Variants in CYP2A7 observed in about 807,000 individuals in gnomAD.
CYP2A7 encodes cytochrome P450 2A7.
Under a neutral mutation model 42.0 loss-of-function variants are expected in CYP2A7, and 36 were observed. The observed-to-expected ratio is 0.86, with a 90% CI of 0.66 to 1.13. The LOEUF is 1.13. CYP2A7 is among the 50% of genes most tolerant of loss of function. The pLI, the probability that CYP2A7 is intolerant of heterozygous loss-of-function variation, is 0.00. For missense variants in CYP2A7, 661 were observed against 634.1 expected (o/e 1.04, Z -0.46); for synonymous variants, 260 against 249.5 (o/e 1.04, Z -0.40).
Position 40,880,763 on chromosome 19 carries a change from C to CTG in CYP2A7, c.344-136_344-135insCA, listed in dbSNP as rs1568527848. ...GAGAGATGGATTCAGTGCCAGTGCC[C>CTG]AGGACAGGTGCAAACTCAGTCAGAG... On this transcript the variant is annotated intron_variant, in intron 2 of 8. Transcript: ENST00000301146. 3.7e-3 allele frequency: 1,512 copies of CTG among 408,536 alleles called. 3 individuals are homozygous for CTG. The highest frequency in any genetic ancestry group is 0.011 in the Middle Eastern group (15 of 1,386). The allele number at this position is 408,536 out of a possible 1,614,324, so 25.3% of individuals were successfully genotyped here.
rs1967592109 is a variant in CYP2A7, at chr19:40,878,736, C to G, written c.831+24G>C. On this transcript the variant is annotated intron_variant, in intron 5 of 8. Transcript: ENST00000301146. ...TTCCCTCTGCCTGGCTTTGCACCTC[C>G]CCGCACTGGCTGCTGGGGTGTACCT... is the stretch of plus-strand genomic sequence containing the variant. 4 of 1,609,688 alleles carry G rather than the reference C, an allele frequency of 2.5e-6. No individual in the cohort carries two copies. In the South Asian group the frequency reaches 4.4e-5, roughly 18 times the overall value.
rs770386243 is a variant in CYP2A7, at chr19:40,881,634, C to G, written c.298G>C (p.Gly100Arg). ...TCGAAGGTGGCTTGCTCGCCTCGCC[C>G]GCTGAACTCCTCAGCCTGGTCCACC... ...ALVDQAEEFS[G>R]RGEQATFDWV... is the part of the protein sequence containing the mutation. The change falls in exon 2 of 9, where the codon GGG (glycine) becomes CGG (arginine). Residue 100 changes from glycine to arginine, a missense_variant. Gly to Arg is a moderately radical substitution (Grantham distance 125). Coordinates refer to ENST00000301146, the MANE Select transcript of CYP2A7 (RefSeq NM_000764.3). 3.1e-6 allele frequency: 5 copies of G among 1,612,966 alleles called. No homozygotes were observed. The highest frequency in any genetic ancestry group is 1.1e-5 in the South Asian group (1 of 90,996).
At chr19:40,876,324 A>C (rs2145144481) in intron 8 of CYP2A7, 2 of 817,378 alleles carry the variant, frequency 2.4e-6, no homozygotes, top group East Asian at 5.1e-5. Flanking sequence ...ATCTACGGGG[A>C]AAGATGTTTC....
At position 40,875,621 on chromosome 19, in the gene CYP2A7, T is replaced by TG; in HGVS notation, c.*71_*72insC. 6.2e-7 allele frequency: 1 copy of TG among 1,606,794 alleles called. No individual in the cohort carries two copies. Among genetic ancestry groups the TG allele is most frequent in the East Asian group, 2.2e-5 (1 of 44,830 alleles). ...TTCCCCCCATTCTTATACCCGCCTC[T>TG]TCCGCGAACCCCGCCCTGACCCCGC... is the stretch of plus-strand genomic sequence containing the variant. On this transcript the variant is annotated 3_prime_UTR_variant, in exon 9 of 9. Transcript: ENST00000301146.
At chr19:40,879,752 G>T (rs1967611644) in intron 4 of CYP2A7, among the ~76,000 whole-genome samples, 1 of 151,488 alleles carries the variant, frequency 6.6e-6, no homozygotes, top group Admixed American at 6.6e-5. Flanking sequence ...GCAGTCATTT[G>T]TCCAGGTGTT....
intron 2 of CYP2A7, among the ~76,000 whole-genome samples, chr19:40,881,039 G>A (rs899263083): frequency 6.6e-6 from 1 of 150,944 alleles, no homozygotes; most frequent in African/African-American, 2.4e-5. Flanking sequence ...AGATCTGGGA[G>A]GAGGAAATAA....
In CYP2A7 at chr19:40,880,637, G is replaced by A. The variant is rs749697157; in HGVS notation, c.344-9C>T. ...GTTGCTGAACGCCACGCCTGGGGAG[G>A]TCAAGGCGGGGGTGGAGAGAGGTCA... On this transcript the variant is annotated splice_polypyrimidine_tract_variant and intron_variant, in intron 2 of 8. Coordinates refer to ENST00000301146, the MANE Select transcript of CYP2A7 (RefSeq NM_000764.3). The A allele has an allele frequency of 6.3e-7, 1 of 1,588,016 alleles. No homozygotes were observed. Among genetic ancestry groups the A allele is most frequent in the East Asian group, 2.3e-5 (1 of 44,308 alleles).
At position 40,881,598 on chromosome 19, in the gene CYP2A7, T is replaced by C. The variant is rs753984557; in HGVS notation, c.334A>G (p.Lys112Glu). Residue 112 changes from lysine to glutamate, a missense_variant, in exon 2 of 9, where the codon AAA becomes GAA. Lys to Glu is a moderately conservative substitution (Grantham distance 56, BLOSUM62 1). This residue lies in a region of CYP2A7 where 614 missense variants were observed against 552.4 expected (regional missense o/e 1.11). Coordinates refer to ENST00000301146, the MANE Select transcript of CYP2A7 (RefSeq NM_000764.3). ...TTGGGCACCCCCTCACCATAGCCTT[T>C]GAAGACCCAGTCGAAGGTGGCTTGC... ...GEQATFDWVFKGYGVAFSNGE... is the reference protein window; with the variant it reads ...GEQATFDWVFEGYGVAFSNGE... The C allele has an allele frequency of 6.2e-7, 1 of 1,612,064 alleles. No homozygotes were observed. The highest frequency in any genetic ancestry group is 1.7e-5 in the Admixed American group (1 of 59,974).
At position 40,881,741 on chromosome 19, in the gene CYP2A7, C is replaced by T. The variant is rs748155186; in HGVS notation, c.191G>A (p.Cys64Tyr). 1.9e-6 allele frequency: 3 copies of T among 1,582,208 alleles called. No homozygotes were observed. Among genetic ancestry groups the T allele is most frequent in the Non-Finnish European group, 2.6e-6 (3 of 1,164,840 alleles). The stretch of plus-strand genomic sequence containing the variant: ...GTGAATGGTGAACACGGGGCCATAG[C>T]ACTCACTGAACTGATGGAGGCGAGT... The part of the protein sequence containing the change: ...ICDSIMKFSE[C>Y]YGPVFTIHLG... The change falls in exon 2 of 9, where the codon TGC (cysteine) becomes TAC (tyrosine). Residue 64 changes from cysteine to tyrosine, a missense_variant. Cys to Tyr is a radical substitution (Grantham distance 194). This residue lies in a region of CYP2A7 where 614 missense variants were observed against 552.4 expected (regional missense o/e 1.11). Coordinates refer to ENST00000301146, the MANE Select transcript of CYP2A7 (RefSeq NM_000764.3).
intron 7 of CYP2A7, chr19:40,876,961 G>A (rs2145145591): frequency 4.6e-6 from 3 of 657,820 alleles, no homozygotes; most frequent in Non-Finnish European, 7.7e-6. Flanking sequence ...CTTAAGATAG[G>A]AAGTTTTGGA....
At chr19:40,877,118 TG>T (rs1168907708) in intron 7 of CYP2A7, 71 bp downstream of exon 7, 13 of 1,545,600 alleles carry the variant, frequency 8.4e-6, no homozygotes, top group Non-Finnish European at 1.1e-5. Context: ...AAGCTTCTAA[TG>T]GGGGCAGGAT....
intron 1 of CYP2A7, 107 bp from the exon 2 acceptor site, chr19:40,881,858 T>C (rs562566163): frequency 8.7e-5 from 134 of 1,533,932 alleles, no homozygotes; most frequent in Non-Finnish European, 1.1e-4. Context: ...GTTCTCACAG[T>C]CAGGGAGCTG....
intron 5 of CYP2A7, 77 bp downstream of exon 5, chr19:40,878,683 C>T (rs1599792447): frequency 2.9e-5 from 45 of 1,572,886 alleles, no homozygotes; most frequent in African/African-American, 4.0e-5. Context: ...GGGTCTGTGT[C>T]GTCTGCCCGC....
rs2545753 is a variant in CYP2A7, at chr19:40,877,922, T to C, written c.903A>G (p.Ala301=). 108 of 1,612,412 alleles carry C rather than the reference T, an allele frequency of 6.7e-5. 1 individual carries two copies. Among genetic ancestry groups the C allele is most frequent in the Non-Finnish European group, 8.3e-5 (98 of 1,179,044 alleles). ...LMMSTLNLFI[A]GTETVSTTLR... is the part of the protein sequence containing the mutation. ...GGGTGGTGCTGACCGTCTCGGTGCCTGCAATGAAGAGGTTCAACGTGCTCA... is the reference window on the plus strand; with the variant it reads ...GGGTGGTGCTGACCGTCTCGGTGCCCGCAATGAAGAGGTTCAACGTGCTCA... Residue 301 remains alanine (A), a synonymous_variant, in exon 6 of 9, where the codon GCA becomes GCG. Coordinates refer to ENST00000301146, the MANE Select transcript of CYP2A7 (RefSeq NM_000764.3).
intron 8 of CYP2A7, among the ~76,000 whole-genome samples, chr19:40,876,142 T>C (rs993132058): frequency 6.6e-5 from 10 of 151,848 alleles, no homozygotes; most frequent in Non-Finnish European, 2.9e-5. Flanking sequence ...TCTATGGGTT[T>C]TGAAAAAGGC....
chr19:40,877,142 G>T, intron 7 of CYP2A7, 48 bp downstream of exon 7: 2 of 1,595,844 alleles, frequency 1.3e-6, no homozygotes, highest in East Asian at 2.2e-5. Flanking sequence ...TGGGGACACA[G>T]AGAAGGGCTG....
intron 7 of CYP2A7, chr19:40,876,939 G>A (rs1242070914): frequency 6.2e-6 from 4 of 643,604 alleles, no homozygotes; most frequent in Non-Finnish European, 1.1e-5. Context: ...AATGGAAAGG[G>A]GGCTTCTGTT....
intron 4 of CYP2A7, among the ~76,000 whole-genome samples, chr19:40,879,793 T>C (rs560689819): frequency 6.6e-6 from 1 of 150,772 alleles, no homozygotes. Context: ...GTAGGGAGCA[T>C]CTGTTAGAAA....
rs777761943 is a variant in CYP2A7 at position 40,880,551 on chromosome 19, C to A, written c.421G>T (p.Gly141Cys). Reference protein sequence around the residue: ...AIATLRDFGVGKRGIEERIQE... With the variant: ...AIATLRDFGVCKRGIEERIQE... ...ATGCGCTCCTCGATGCCTCGCTTGC[C>A]CACCCCGAAGTCCCTCAGGGTGGCG... is the stretch of plus-strand genomic sequence containing the variant. The change falls in exon 3 of 9, where the codon GGC becomes TGC. Residue 141 changes from glycine to cysteine, a missense_variant. Coordinates refer to ENST00000301146, the MANE Select transcript of CYP2A7 (RefSeq NM_000764.3). 57 of 1,611,604 alleles carry A rather than the reference C, an allele frequency of 3.5e-5. No homozygotes were observed. The East Asian group carries it at 1.2e-3, about 34-fold the overall frequency.
Sources: gnomAD v4.1 joint callset for allele counts (sites outside exome capture counted in the v4.1 genomes callset) on GRCh38, gnomAD v4.1.1 for gene constraint, gnomAD v4.1.1 regional missense constraint, MANE v1.5 for transcripts, NCBI Gene and HGNC (gene_info 2026-07-23, HGNC 2026-07-21) for gene names.